DMD: variants seen among roughly 807,000 people sequenced by gnomAD.
DMD encodes dystrophin.
DMD carries 63 observed loss-of-function variants against 330.1 expected under a neutral mutation model. That is an observed-to-expected ratio of 0.19 (90% CI 0.16 to 0.24). The LOEUF (loss-of-function observed/expected upper bound fraction) is 0.24, where lower values mean the gene tolerates loss of function less well. Ranked by LOEUF, DMD falls within the 10% of genes least tolerant of loss-of-function variation. The pLI is 1.00. For missense variants in DMD, 3,344 were observed against 2,684.1 expected (o/e 1.25, Z -5.43); for synonymous variants, 1,223 against 959.8 (o/e 1.27, Z -5.07).
chrX:32,515,148 G>A (rs1407506725), intron 18 of DMD, among the ~76,000 whole-genome samples: 1 of 111,445 alleles, frequency 9.0e-6, no homozygotes, highest in African/African-American at 3.3e-5. Context: ...TGGTTTCCAC[G>A]TATGAGTAGA....
chrX:32,607,825 A>G (rs770399811), intron 12 of DMD, among the ~76,000 whole-genome samples: 3 of 110,432 alleles, frequency 2.7e-5, no homozygotes, highest in African/African-American at 6.5e-5. Context: ...TGTATTACCT[A>G]TACGAAAGAA....
intron 59 of DMD, among the ~76,000 whole-genome samples, chrX:31,445,476 C>T (rs763416745): frequency 9.8e-5 from 11 of 112,001 alleles, no homozygotes; most frequent in Non-Finnish European, 2.1e-4. Flanking sequence ...AAATATATTG[C>T]TGCTGGATTC....
intron 50 of DMD, among the ~76,000 whole-genome samples, chrX:31,816,794 T>TCTCACACACACACACACACACA (rs1556914952): frequency 0.042 from 3,592 of 85,255 alleles, 87 homozygotes; most frequent in Middle Eastern, 0.071. Context: ...CAAGATTCTG[T>TCTCACACACACACACACACACA]CACACACACA....
intron 59 of DMD, among the ~76,000 whole-genome samples, chrX:31,463,404 T>C (rs925695966): frequency 8.9e-6 from 1 of 112,000 alleles, no homozygotes; most frequent in African/African-American, 3.2e-5. Context: ...CCAAGAAAAA[T>C]TATTCAATGC....
chrX:31,874,484 CA>C (rs1370116742), intron 48 of DMD, among the ~76,000 whole-genome samples: 4 of 111,543 alleles, frequency 3.6e-5, no homozygotes, highest in African/African-American at 1.3e-4. Context: ...ACAATTAAAA[CA>C]GGGATAGAAA....
At position 32,845,733 on chromosome X, in the gene DMD, G is replaced by A. The variant is rs886404735; in HGVS notation, c.187-873C>T. Among the ~76,000 whole-genome samples, 5 of 112,030 alleles carry A rather than the reference G, an allele frequency of 4.5e-5. 1 individual carries two copies. Among genetic ancestry groups the A allele is most frequent in the Non-Finnish European group, 9.4e-5 (5 of 53,251 alleles). On this transcript the variant is annotated intron_variant, in intron 3 of 78. Coordinates refer to ENST00000357033, the MANE Select transcript of DMD (RefSeq NM_004006.3). ...AAGGGCAAGAGCTACAAAGCTGACT[G>A]CCTGGGTTCAATTGTCAGCTCTGCT... is the stretch of plus-strand genomic sequence containing the variant.
intron 44 of DMD, among the ~76,000 whole-genome samples, chrX:32,006,687 AG>A (rs1384512070): frequency 9.0e-6 from 1 of 111,068 alleles, no homozygotes; most frequent in East Asian, 2.9e-4. Flanking sequence ...ATTTGGAAAT[AG>A]GGTCTTTGAA....
intron 2 of DMD, among the ~76,000 whole-genome samples, chrX:32,892,018 T>C (rs5928102): frequency 0.21 from 22,889 of 111,160 alleles, 1,840 homozygotes; most frequent in East Asian, 0.37. Context: ...TCATCAGTTA[T>C]TCAATGTGTT....
intron 59 of DMD, among the ~76,000 whole-genome samples, chrX:31,472,463 T>C (rs1391397069): frequency 8.9e-6 from 1 of 112,442 alleles, no homozygotes; most frequent in South Asian, 3.7e-4. Flanking sequence ...GATAGTTGCA[T>C]GAACATGGTT....
intron 44 of DMD, among the ~76,000 whole-genome samples, chrX:32,195,233 G>GGGGAAA (rs1208506677): frequency 9.0e-6 from 1 of 111,467 alleles, no homozygotes; most frequent in Non-Finnish European, 1.9e-5. Flanking sequence ...GGCTGGGGAA[G>GGGGAAA]GGGAAAGATT....
chrX:32,826,823 G>A (rs959869539), intron 4 of DMD, among the ~76,000 whole-genome samples: 2 of 110,493 alleles, frequency 1.8e-5, no homozygotes, highest in African/African-American at 6.6e-5. Flanking sequence ...TTTGAAAATT[G>A]CTAAGAGAAT....
At chrX:32,407,660 A>G (rs1043634838) in intron 30 of DMD, among the ~76,000 whole-genome samples, 24 of 110,896 alleles carry the variant, frequency 2.2e-4, no homozygotes, top group African/African-American at 7.2e-4. Context: ...GCTGCTATAA[A>G]GACACATGCA....
intron 62 of DMD, among the ~76,000 whole-genome samples, chrX:31,286,764 C>CT (rs1050317836): frequency 2.3e-4 from 26 of 111,652 alleles, no homozygotes; most frequent in Middle Eastern, 4.6e-3. Flanking sequence ...TTTTTTCTTT[C>CT]TTTTTTTTGA....
Position 33,284,734 on chromosome X carries a change from T to TC in DMD, c.7+54524_7+54525insG, listed in dbSNP as rs1491326212. ...AAAAGAAAAGACTTTAAAAATCATCTTTTTTTTTTTGCCCTAATGCTTAAT... is the reference window on the plus strand; with the variant it reads ...AAAAGAAAAGACTTTAAAAATCATCTCTTTTTTTTTTGCCCTAATGCTTAAT... On this transcript the variant is annotated intron_variant, in intron 1 of 17. Coordinates refer to the DMD transcript ENST00000288447. 2.0e-3 allele frequency among the ~76,000 whole-genome samples: 27 copies of TC among 13,626 alleles called. 5 individuals carry two copies. In the African/African-American group the frequency reaches 0.021, roughly 11 times the overall value. 11.8% of individuals were successfully genotyped at this position (13,626 alleles called of 115,157 possible).
chrX:32,454,957 T>A, intron 25 of DMD, 125 bp from the exon 26 acceptor site: 2 of 781,065 alleles, frequency 2.6e-6, no homozygotes, highest in Non-Finnish European at 3.6e-6. Context: ...AAAAAGCTTA[T>A]ATGCATAAGA....
intron 8 of DMD, among the ~76,000 whole-genome samples, chrX:32,698,857 T>C (rs894153736): frequency 9.0e-6 from 1 of 111,367 alleles, no homozygotes; most frequent in African/African-American, 3.3e-5. Flanking sequence ...AAATTTAATA[T>C]ATTATGTTCT....
At chrX:32,250,508 C>T (rs6653865) in intron 43 of DMD, among the ~76,000 whole-genome samples, 1,996 of 111,644 alleles carry the variant, frequency 0.018, 35 homozygotes, top group African/African-American at 0.061. Flanking sequence ...CCTATCCATG[C>T]GGGTCAAAAG....
At chrX:32,822,339 C>T (rs1051657344) in intron 5 of DMD, among the ~76,000 whole-genome samples, 6 of 109,991 alleles carry the variant, frequency 5.5e-5, no homozygotes, top group African/African-American at 9.9e-5. Flanking sequence ...AGATGGTAAC[C>T]GTGGAAGTTT....
chrX:33,221,642 T>C (rs1292881444), intron 1 of DMD, among the ~76,000 whole-genome samples: 2 of 110,034 alleles, frequency 1.8e-5, no homozygotes, highest in African/African-American at 6.6e-5. Context: ...AAAGAAAAAA[T>C]TGAGAGGACA....
Sources: gnomAD v4.1 joint callset for allele counts (sites outside exome capture counted in the v4.1 genomes callset) on GRCh38, gnomAD v4.1.1 for gene constraint, MANE v1.5 for transcripts, NCBI Gene and HGNC (gene_info 2026-07-23, HGNC 2026-07-21) for gene names.